RAG1: variants seen among roughly 807,000 people sequenced by gnomAD.
RAG1 encodes recombination activating 1.
In RAG1, 35 loss-of-function variants were observed where a neutral mutation model predicts 62.7. The observed-to-expected ratio is 0.56, with a 90% confidence interval of 0.43 to 0.74. The LOEUF (loss-of-function observed/expected upper bound fraction) is 0.74, where lower values mean the gene tolerates loss of function less well. Among genes scored for constraint, RAG1 ranks in the 30% least tolerant of loss-of-function variants. The pLI is 0.00. For synonymous variants in RAG1, 461 were observed against 470.3 expected (o/e 0.98, Z 0.26); for missense variants, 1,169 against 1,278.6 (o/e 0.91, Z 1.31).
Position 36,578,384 on chromosome 11 carries a change from T to C in RAG1, c.*1948T>C, listed in dbSNP as rs887356601. On this transcript the variant is annotated 3_prime_UTR_variant, in exon 2 of 2. Transcript: ENST00000299440. ...TTTTTGAAAACTCTTGGTTTTGTTT[T>C]TTTGGAAATGAGTGGGCCACTAAGC... 1.3e-4 allele frequency: 21 copies of C among 166,558 alleles called. No homozygotes were observed. The highest frequency in any genetic ancestry group is 2.5e-4 in the Non-Finnish European group (17 of 68,130). 10.3% of individuals were successfully genotyped at this position (166,558 alleles called of 1,614,324 possible).
At chr11:36,571,798 G>C (rs1236181273) in intron 1 of RAG1, among the ~76,000 whole-genome samples, 1 of 151,792 alleles carries the variant, frequency 6.6e-6, no homozygotes, top group Non-Finnish European at 1.5e-5. Context: ...TTGTATTTTT[G>C]GTACAGATGG....
chr11:36,567,951 G>C (rs1047333461), upstream of RAG1: 1 of 152,262 alleles, frequency 6.6e-6, no homozygotes, highest in Non-Finnish European at 1.5e-5. Context: ...CCTCCATGGT[G>C]GGGGAGGCTG....
rs770103028 is a variant in RAG1, at chr11:36,575,751, G to A, written c.2447G>A (p.Gly816Glu). 3 of 1,614,084 alleles carry A rather than the reference G, an allele frequency of 1.9e-6. No homozygotes were observed. The highest frequency in any genetic ancestry group is 2.5e-6 in the Non-Finnish European group (3 of 1,180,048). ...EFYKIFQLEI[G>E]EVYKNPNASK... is the part of the protein sequence containing the mutation. ...TACAAGATCTTCCAGCTAGAGATAGGGGAAGTGTATAAGAATCCCAATGCT... is the reference window on the plus strand; with the variant it reads ...TACAAGATCTTCCAGCTAGAGATAGAGGAAGTGTATAAGAATCCCAATGCT... Residue 816 changes from glycine (G) to glutamate (E), a missense_variant, in exon 2 of 2, where the codon GGG (glycine) becomes GAG (glutamate). By Grantham distance (98) the Gly-to-Glu change is moderately conservative (BLOSUM62 -2). Transcript: ENST00000299440. This position sits in a 1 kb window ranked among gnomAD's most constrained non-coding sequence, Gnocchi z 4.1.
Position 36,575,436 on chromosome 11 carries a change from ATGAAAAACT to A in RAG1, c.2135_2143del (p.Glu712_Leu714del). 1 of 1,614,158 alleles carries A rather than the reference ATGAAAAACT, an allele frequency of 6.2e-7. No individual in the cohort carries two copies. Among genetic ancestry groups the A allele is most frequent in the Non-Finnish European group, 8.5e-7 (1 of 1,180,010 alleles). On this transcript the variant is annotated inframe_deletion, in exon 2 of 2. Coordinates refer to ENST00000299440, the MANE Select transcript of RAG1 (RefSeq NM_000448.3). The surrounding 1 kb of genome is among the most constrained non-coding windows in gnomAD (Gnocchi z 4.1). Reference sequence around the variant, plus strand: ...TTCATCTTCAGGGGCACCGGCTATGATGAAAAACTTGTGCGGGAAGTGGAAGGCCTCGAG... The same window carrying A: ...TTCATCTTCAGGGGCACCGGCTATGATGTGCGGGAAGTGGAAGGCCTCGAG...
chr11:36,573,870 G>A lies in RAG1; in HGVS notation c.566G>A (p.Ser189Asn). 6.2e-7 allele frequency: 1 copy of A among 1,614,148 alleles called. No individual in the cohort carries two copies. Reference protein sequence around the residue: ...CWSIMHRKFSSAPCEVYFPRN... With the variant: ...CWSIMHRKFSNAPCEVYFPRN... ...AGCATCATGCACAGGAAGTTTAGCA[G>A]TGCCCCATGTGAGGTTTACTTCCCG... The change falls in exon 2 of 2, where the codon AGT becomes AAT. Residue 189 changes from serine (S) to asparagine (N), a missense_variant. Transcript: ENST00000299440.
chr11:36,532,815 GAGAC>G (rs1447544179), intron 2 of RAG1, among the ~76,000 whole-genome samples: 1 of 152,082 alleles, frequency 6.6e-6, no homozygotes, highest in African/African-American at 2.4e-5. Flanking sequence ...GAGAGAGAGA[GAGAC>G]AGACAGCACA....
chr11:36,522,867 G>T (rs982952239), intron 2 of RAG1, among the ~76,000 whole-genome samples: 1 of 152,212 alleles, frequency 6.6e-6, no homozygotes, highest in Non-Finnish European at 1.5e-5. Context: ...TAACTGCCCT[G>T]CTGGATTTTG....
chr11:36,533,217 G>C (rs546403521), intron 2 of RAG1, among the ~76,000 whole-genome samples: 25 of 152,268 alleles, frequency 1.6e-4, no homozygotes, highest in East Asian at 1.9e-4. Flanking sequence ...ACCCGAGGAG[G>C]GGGTGCTACT....
chr11:36,578,573 C>G lies in RAG1; in HGVS notation c.*2137C>G, dbSNP rs1482782905. The G allele has an allele frequency of 6.0e-6, 1 of 166,828 alleles. No homozygotes were observed. The highest frequency in any genetic ancestry group is 2.4e-5 in the African/African-American group (1 of 41,418). 10.3% of individuals were successfully genotyped at this position (166,828 alleles called of 1,614,324 possible). On this transcript the variant is annotated 3_prime_UTR_variant, in exon 2 of 2. Transcript: ENST00000299440. ...CTATTGGTGGCACTGTAAATACTTT[C>G]CAGTATTAAATTATCCTTTTCTAAC...
At chr11:36,557,652 T>A (rs1850523324) in intron 3 of RAG1, among the ~76,000 whole-genome samples, 1 of 150,680 alleles carries the variant, frequency 6.6e-6, no homozygotes, top group Admixed American at 6.6e-5. Context: ...AATTACTTCT[T>A]TAAAGAGTTC....
intron 2 of RAG1, among the ~76,000 whole-genome samples, chr11:36,521,215 T>C (rs542820592): frequency 1.3e-5 from 2 of 152,138 alleles, no homozygotes; most frequent in East Asian, 3.9e-4. Flanking sequence ...CTCCTCAGCC[T>C]CCCAAAGTGC....
intron 2 of RAG1, among the ~76,000 whole-genome samples, chr11:36,531,783 G>A (rs1435757102): frequency 6.6e-6 from 1 of 151,798 alleles, no homozygotes; most frequent in Non-Finnish European, 1.5e-5. Flanking sequence ...AACTTCCTGT[G>A]GCCATTCAAT....
At chr11:36,540,740 C>G (rs918158691), downstream of RAG1, among the ~76,000 whole-genome samples, 6 of 152,188 alleles carry the variant, frequency 3.9e-5, no homozygotes, top group African/African-American at 1.4e-4. Context: ...AACCTCCAAT[C>G]TTCTCTTTGT....
In RAG1 at chr11:36,575,129, A is replaced by G. The variant is rs1460488211; in HGVS notation, c.1825A>G (p.Ser609Gly). 7 of 1,614,058 alleles carry G rather than the reference A, an allele frequency of 4.3e-6. No homozygotes were observed. Among genetic ancestry groups the G allele is most frequent in the African/African-American group, 1.3e-5 (1 of 74,930 alleles). The change falls in exon 2 of 2, where the codon AGT becomes GGT. Residue 609 changes from serine (S) to glycine (G), a missense_variant. Ser to Gly is a moderately conservative substitution (Grantham distance 56). Transcript: ENST00000299440. The surrounding 1 kb of genome is among the most constrained non-coding windows in gnomAD (Gnocchi z 4.1). ...KESCDGMGDVSEKHGSGPVVP... is the reference protein window; with the variant it reads ...KESCDGMGDVGEKHGSGPVVP... ...GTCTTGTGATGGAATGGGAGACGTG[A>G]GTGAGAAGCATGGGAGTGGGCCTGT... is the stretch of plus-strand genomic sequence containing the variant.
At chr11:36,529,665 A>C (rs756797509) in intron 2 of RAG1, among the ~76,000 whole-genome samples, 18 of 152,168 alleles carry the variant, frequency 1.2e-4, no homozygotes, top group Non-Finnish European at 2.4e-4. Context: ...AAGAGAAAGA[A>C]ATAAAGGGCA....
Position 36,578,501 on chromosome 11 carries a change from T to A in RAG1, c.*2065T>A, listed in dbSNP as rs981980559. On this transcript the variant is annotated 3_prime_UTR_variant, in exon 2 of 2. Coordinates refer to ENST00000299440, the MANE Select transcript of RAG1 (RefSeq NM_000448.3). ...CATAATCATCCTATTTACTGAAGCA[T>A]GGTCATGCTGGTTTATAGATTTTTT... 1 of 166,872 alleles carries A rather than the reference T, an allele frequency of 6.0e-6. No homozygotes were observed. Among genetic ancestry groups the A allele is most frequent in the Admixed American group, 6.5e-5 (1 of 15,284 alleles). The allele number at this position is 166,872 out of a possible 1,614,324, so 10.3% of individuals were successfully genotyped here.
intron 1 of RAG1, chr11:36,511,161 A>G (rs1421486193): frequency 6.6e-6 from 1 of 152,270 alleles, no homozygotes; most frequent in African/African-American, 2.4e-5. Context: ...AAATTATTTA[A>G]AACTATCTGG....
chr11:36,536,242 A>C (rs562965004), downstream of RAG1, among the ~76,000 whole-genome samples: 1 of 152,238 alleles, frequency 6.6e-6, no homozygotes. Context: ...ATGGCTACCC[A>C]CTGTAAAATG....
rs141384582 is a variant in RAG1 at position 36,579,546 on chromosome 11, CT to C, written c.*3122del. 0.025 allele frequency: 3,686 copies of C among 146,746 alleles called. 22 individuals carry two copies. The highest frequency in any genetic ancestry group is 0.038 in the East Asian group (188 of 4,884). 9.1% of individuals were successfully genotyped at this position (146,746 alleles called of 1,614,324 possible). Reference sequence around the variant, plus strand: ...ATTTTGTTTAATGGCTTCCAAGAGCCTTTTTTTTTTTTGTATTTCAGAGAAA... The same window carrying C: ...ATTTTGTTTAATGGCTTCCAAGAGCCTTTTTTTTTTTGTATTTCAGAGAAA... On this transcript the variant is annotated 3_prime_UTR_variant, in exon 2 of 2. Transcript: ENST00000299440.
Sources: allele counts gnomAD v4.1 joint callset (sites outside exome capture counted in the v4.1 genomes callset), GRCh38; gene constraint gnomAD v4.1.1; non-coding constraint Gnocchi (gnomAD v3.1); transcripts MANE v1.5; gene names NCBI Gene and HGNC (gene_info 2026-07-23, HGNC 2026-07-21).